The following PHLDB2 variants were observed in gnomAD, a reference collection of about 807,000 sequenced individuals.
PHLDB2 encodes pleckstrin homology like domain family B member 2, also known as pleckstrin homology-like domain family B member 2.
Under a neutral mutation model 123.6 loss-of-function variants are expected in PHLDB2, and 71 were observed. The observed-to-expected ratio is 0.57, with a 90% CI of 0.47 to 0.70. The LOEUF is 0.70. Among genes scored for constraint, PHLDB2 ranks in the 30% least tolerant of loss-of-function variants. The pLI, the probability that PHLDB2 is intolerant of heterozygous loss-of-function variation, is 0.00. For missense variants in PHLDB2, 1,446 were observed against 1,519.5 expected, an observed-to-expected ratio of 0.95 and a Z score of 0.80; for synonymous variants, 547 against 541.6, an observed-to-expected ratio of 1.01 and a Z score of -0.14.
intron 11 of PHLDB2, among the ~76,000 whole-genome samples, chr3:111,953,253 G>A (rs1053922600): frequency 6.6e-6 from 1 of 152,050 alleles, no homozygotes; most frequent in East Asian, 1.9e-4. Context: ...GAACCTATGC[G>A]ACCTGATGCC....
At chr3:111,771,624 G>A (rs6795090) in intron 1 of PHLDB2, among the ~76,000 whole-genome samples, 33,054 of 152,064 alleles carry the variant, frequency 0.22, 4,089 homozygotes, top group African/African-American at 0.33. Flanking sequence ...ACAGGCATGA[G>A]CCACTGCACC....
intron 10 of PHLDB2, among the ~76,000 whole-genome samples, chr3:111,951,012 G>C (rs1437548363): frequency 6.6e-6 from 1 of 152,146 alleles, no homozygotes; most frequent in Non-Finnish European, 1.5e-5. Flanking sequence ...ATTTCAGTTA[G>C]ACTGTGTTTT....
intron 1 of PHLDB2, among the ~76,000 whole-genome samples, chr3:111,758,869 C>T (rs1380243608): frequency 6.6e-6 from 1 of 152,092 alleles, no homozygotes; most frequent in Non-Finnish European, 1.5e-5. Context: ...CCACGATAAA[C>T]TCATGAAGAT....
Position 111,969,866 on chromosome 3 carries a change from G to T in PHLDB2, c.3492G>T (p.Trp1164Cys). The change falls in exon 16 of 18, where the codon TGG becomes TGT. Residue 1164 changes from tryptophan to cysteine, a missense_variant. This residue lies in a region of PHLDB2 where 594 missense variants were observed against 646.0 expected (regional missense o/e 0.92). Coordinates refer to ENST00000431670, the MANE Select transcript of PHLDB2 (RefSeq NM_001134438.2). ...GGKIKTWKKR[W>C]FVFDRNKRTF... ...AAATTAAAACGTGGAAAAAACGTTG[G>T]TTTGTTTTTGATCGGAACAAGCGAA... 1 of 1,613,978 alleles carries T rather than the reference G, an allele frequency of 6.2e-7. No individual in the cohort carries two copies. Among genetic ancestry groups the T allele is most frequent in the Admixed American group, 1.7e-5 (1 of 60,008 alleles).
chr3:111,800,074 G>A (rs546715187), intron 1 of PHLDB2, among the ~76,000 whole-genome samples: 5 of 152,114 alleles, frequency 3.3e-5, no homozygotes, highest in South Asian at 2.1e-4. Flanking sequence ...GCACAATCAC[G>A]GCTCACTGCA....
At chr3:111,933,952 A>C (rs1405295032) in intron 6 of PHLDB2, among the ~76,000 whole-genome samples, 1 of 152,210 alleles carries the variant, frequency 6.6e-6, no homozygotes, top group East Asian at 1.9e-4. Flanking sequence ...AAAAATTTAT[A>C]GACTCTATTC....
Position 111,967,775 on chromosome 3 carries a change from A to C in PHLDB2, c.3266A>C (p.Gln1089Pro), listed in dbSNP as rs750697015. The change falls in exon 15 of 18, where the codon CAG (glutamine) becomes CCG (proline). Residue 1089 changes from glutamine (Q) to proline (P), a missense_variant. This residue lies in a region of PHLDB2 where 594 missense variants were observed against 646.0 expected (regional missense o/e 0.92). Transcript: ENST00000431670. ...TTACAGGAAGAAACTAGCCAGAGGC[A>C]GAAGTTAATAGAAAAGGAAGTAAAA... ...KRLQEETSQR[Q>P]KLIEKEVKIR... 2 of 1,612,348 alleles carry C rather than the reference A, an allele frequency of 1.2e-6. No homozygotes were observed. The highest frequency in any genetic ancestry group is 1.7e-6 in the Non-Finnish European group (2 of 1,179,440).
At chr3:111,756,330 G>C (rs1271429178) in intron 1 of PHLDB2, among the ~76,000 whole-genome samples, 3 of 152,120 alleles carry the variant, frequency 2.0e-5, no homozygotes, top group East Asian at 3.9e-4. Flanking sequence ...TTATGAATCT[G>C]GGTGCTCCTG....
chr3:111,767,278 T>A (rs1376367018), intron 1 of PHLDB2, among the ~76,000 whole-genome samples: 4 of 152,166 alleles, frequency 2.6e-5, no homozygotes, highest in Non-Finnish European at 1.5e-5. Flanking sequence ...TGGGTACAGA[T>A]GAGCAGAGAG....
intron 15 of PHLDB2, among the ~76,000 whole-genome samples, chr3:111,968,815 G>A (rs947613784): frequency 2.6e-5 from 4 of 152,164 alleles, no homozygotes; most frequent in African/African-American, 9.7e-5. Context: ...ATTTTGACTT[G>A]CAGTGAAAGT....
chr3:111,796,073 A>G (rs1243316106), intron 1 of PHLDB2, among the ~76,000 whole-genome samples: 1 of 151,754 alleles, frequency 6.6e-6, no homozygotes, highest in African/African-American at 2.4e-5. Context: ...AATTTTGTGT[A>G]TTTTTAGTAG....
intron 1 of PHLDB2, 36 bp from the exon 2 acceptor site, chr3:111,884,028 C>A: frequency 6.4e-7 from 1 of 1,563,068 alleles, no homozygotes; most frequent in South Asian, 1.2e-5. Flanking sequence ...TTAAAATCTT[C>A]TTTAAGGCAA....
intron 1 of PHLDB2, among the ~76,000 whole-genome samples, chr3:111,819,003 A>G (rs959642711): frequency 6.6e-6 from 1 of 152,110 alleles, no homozygotes; most frequent in Non-Finnish European, 1.5e-5. Context: ...ACAGTTTTGG[A>G]GCCTAGAAAT....
chr3:111,781,856 C>T (rs2060488400), intron 1 of PHLDB2, among the ~76,000 whole-genome samples: 1 of 151,998 alleles, frequency 6.6e-6, no homozygotes, highest in Admixed American at 6.6e-5. Context: ...CAAGTGGTTC[C>T]TATACTCCCT....
intron 1 of PHLDB2, among the ~76,000 whole-genome samples, chr3:111,862,697 C>T (rs773496658): frequency 7.2e-5 from 11 of 152,042 alleles, no homozygotes; most frequent in African/African-American, 2.4e-4. Flanking sequence ...TCATAGAAGC[C>T]GTTTTGTATG....
At chr3:111,789,810 G>T (rs1485264747) in intron 1 of PHLDB2, among the ~76,000 whole-genome samples, 1 of 152,138 alleles carries the variant, frequency 6.6e-6, no homozygotes, top group Admixed American at 6.5e-5. Context: ...GGGGCTATGT[G>T]CCCTGAGTAT....
chr3:111,782,375 G>A (rs962560694), intron 1 of PHLDB2, among the ~76,000 whole-genome samples: 1 of 152,016 alleles, frequency 6.6e-6, no homozygotes, highest in African/African-American at 2.4e-5. Flanking sequence ...AAAATATAAA[G>A]CGAGGATAGT....
intron 1 of PHLDB2, among the ~76,000 whole-genome samples, chr3:111,844,639 C>T (rs1302793644): frequency 1.3e-5 from 2 of 152,186 alleles, no homozygotes; most frequent in Non-Finnish European, 2.9e-5. Flanking sequence ...CCAATTCTGC[C>T]ACCATTAAGG....
rs1195687792 is a variant in PHLDB2, at chr3:111,919,096, C to T, written c.1744C>T (p.Gln582Ter). The stretch of plus-strand genomic sequence containing the variant: ...GACCCCAGAGGGTATAAGTGAAGAA[C>T]AGAGATCTCAGGAGTTGGCTGCAAT... ...PKTPEGISEEQRSQELAAMEE... is the reference protein window; with the variant it reads ...PKTPEGISEE The change falls in exon 4 of 18, where the codon CAG (glutamine) becomes TAG (stop). Residue 582 changes from glutamine (Q) to a stop codon, truncating the protein, a stop_gained. Coordinates refer to ENST00000431670, the MANE Select transcript of PHLDB2 (RefSeq NM_001134438.2). LOFTEE classifies it high-confidence loss of function. 1 of 1,613,870 alleles carries T rather than the reference C, an allele frequency of 6.2e-7. No homozygotes were observed.
Sources: allele counts gnomAD v4.1 joint callset (sites outside exome capture counted in the v4.1 genomes callset), GRCh38; gene constraint gnomAD v4.1.1; regional missense constraint gnomAD v4.1.1; transcripts MANE v1.5; gene names NCBI Gene and HGNC (gene_info 2026-07-23, HGNC 2026-07-21).